The following VPS26C variants were observed in gnomAD, a reference collection of about 807,000 sequenced individuals.
The protein encoded by VPS26C is vacuolar protein sorting-associated protein 26C.
VPS26C carries 19 observed loss-of-function variants against 30.6 expected under a neutral mutation model. The ratio of observed to expected loss-of-function variants is 0.62; its 90% CI spans 0.43 to 0.91. VPS26C has a LOEUF of 0.91. VPS26C is among the 40% of genes least tolerant of loss of function. VPS26C has a pLI of 0.00. For synonymous variants in VPS26C, 132 were observed against 151.5 expected (o/e 0.87, Z 0.95); for missense variants, 318 against 385.1 (o/e 0.83, Z 1.46).
chr21:37,264,477 T>C (rs1234245998), intron 1 of VPS26C, among the ~76,000 whole-genome samples: 2 of 152,236 alleles, frequency 1.3e-5, no homozygotes, highest in Non-Finnish European at 2.9e-5. Context: ...TTTCATTACT[T>C]GTATCATATT....
In VPS26C at chr21:37,225,541, G is replaced by C; in HGVS notation, c.*3C>G. The C allele has an allele frequency of 6.2e-7, 1 of 1,613,596 alleles. No individual in the cohort carries two copies. The highest frequency in any genetic ancestry group is 8.5e-7 in the Non-Finnish European group (1 of 1,179,564). ...CCCGTTCTCTATGCTTCCCTCCTCC[G>C]GGCTATATCCTGCAGAGCTTCAGCG... On this transcript the variant is annotated 3_prime_UTR_variant, in exon 8 of 8. Coordinates refer to ENST00000309117, the MANE Select transcript of VPS26C (RefSeq NM_006052.2).
intron 1 of VPS26C, among the ~76,000 whole-genome samples, chr21:37,264,567 T>C (rs1048723544): frequency 1.3e-5 from 2 of 152,204 alleles, no homozygotes; most frequent in African/African-American, 4.8e-5. Flanking sequence ...AATGAAATAA[T>C]GAATACTAAA....
At chr21:37,242,533 C>T (rs552693603) in intron 1 of VPS26C, among the ~76,000 whole-genome samples, 1 of 152,144 alleles carries the variant, frequency 6.6e-6, no homozygotes, top group African/African-American at 2.4e-5. Context: ...CTACAGTGAG[C>T]CATGAATGAG....
At chr21:37,239,668 A>G (rs2086064844) in intron 2 of VPS26C, among the ~76,000 whole-genome samples, 1 of 149,082 alleles carries the variant, frequency 6.7e-6, no homozygotes, top group Admixed American at 6.8e-5. Flanking sequence ...CAATGGCGCC[A>G]TCTCAGCTCA....
intron 3 of VPS26C, among the ~76,000 whole-genome samples, chr21:37,234,599 AAGTT>A (rs1404817378): frequency 6.6e-6 from 1 of 152,196 alleles, no homozygotes; most frequent in Non-Finnish European, 1.5e-5. Context: ...ACGTTTAATA[AAGTT>A]AGTTGTTGTT....
intron 1 of VPS26C, among the ~76,000 whole-genome samples, chr21:37,252,878 G>A (rs1443543545): frequency 1.3e-5 from 2 of 152,140 alleles, no homozygotes; most frequent in African/African-American, 4.8e-5. Context: ...TCTGGAAAAA[G>A]CAAACTATAG....
At chr21:37,248,557 G>A (rs942594908) in intron 1 of VPS26C, among the ~76,000 whole-genome samples, 1 of 151,964 alleles carries the variant, frequency 6.6e-6, no homozygotes, top group Non-Finnish European at 1.5e-5. Flanking sequence ...ATCACTCCAA[G>A]GGAGACATGA....
rs113482388 is a variant in VPS26C at position 37,233,131 on chromosome 21, G to A, written c.432+231C>T. 5.3e-5 allele frequency among the ~76,000 whole-genome samples: 8 copies of A among 152,260 alleles called. No individual in the cohort carries two copies. The highest frequency in any genetic ancestry group is 1.4e-4 in the African/African-American group (6 of 41,552). ...GAGGAAAGGTCCTGCCTGATGTGCC[G>A]ACGTGGAGTCCCTCTGGCCCGCGGC... On this transcript the variant is annotated intron_variant, in intron 4 of 7. Coordinates refer to ENST00000309117, the MANE Select transcript of VPS26C (RefSeq NM_006052.2). The surrounding 1 kb of genome is among the most constrained non-coding windows in gnomAD (Gnocchi z 5.2).
chr21:37,240,813 CA>C (rs2086079418), intron 1 of VPS26C, among the ~76,000 whole-genome samples, 174 bp from the exon 2 acceptor site: 1 of 152,192 alleles, frequency 6.6e-6, no homozygotes, highest in Non-Finnish European at 1.5e-5. Context: ...GACAGATGCC[CA>C]CTGATAATGA....
chr21:37,263,284 G>A (rs1378994949), intron 1 of VPS26C, among the ~76,000 whole-genome samples: 1 of 152,224 alleles, frequency 6.6e-6, no homozygotes, highest in East Asian at 1.9e-4. Context: ...ATTCAAAGTA[G>A]AAGTCATATC....
intron 1 of VPS26C, among the ~76,000 whole-genome samples, chr21:37,245,139 C>T (rs1476640987): frequency 6.6e-6 from 1 of 152,154 alleles, no homozygotes; most frequent in African/African-American, 2.4e-5. Context: ...GAGCACATGA[C>T]ATCTAATGGA....
At chr21:37,227,870 C>G in intron 6 of VPS26C, 64 bp from the exon 7 acceptor site, 2 of 1,588,992 alleles carry the variant, frequency 1.3e-6, no homozygotes, top group Non-Finnish European at 1.7e-6. Flanking sequence ...CACATCCGCA[C>G]CGGCACCACC....
At chr21:37,256,506 T>C (rs1602285139) in intron 1 of VPS26C, among the ~76,000 whole-genome samples, 1 of 152,376 alleles carries the variant, frequency 6.6e-6, no homozygotes, top group East Asian at 1.9e-4. Flanking sequence ...AAAATCTTTA[T>C]GCTAAACGAT....
chr21:37,228,617 G>C, intron 5 of VPS26C: 2 of 422,904 alleles, frequency 4.7e-6, no homozygotes, highest in Admixed American at 3.9e-5. Context: ...ATGCCTCAGA[G>C]AACCATCCTA....
In VPS26C at chr21:37,244,657, G is replaced by A. The variant is rs764239480; in HGVS notation, c.58-4018C>T. 4.6e-5 allele frequency among the ~76,000 whole-genome samples: 7 copies of A among 152,284 alleles called. No homozygotes were observed. In the South Asian group the frequency reaches 1.0e-3, roughly 23 times the overall value. ...ATTTGAAAATAGTGGCATCAAGTCC[G>A]CGACCCCTCTTGGCTTCCTGGAAAT... On this transcript the variant is annotated intron_variant, in intron 1 of 7. Transcript: ENST00000309117.
rs564066462 is a variant in VPS26C at position 37,232,672 on chromosome 21, A to C, written c.433-221T>G. On this transcript the variant is annotated intron_variant, in intron 4 of 7. Transcript: ENST00000309117. ...TGTAAAATGAGGGGAGAGATGTCTT[A>C]ATCTCCAACGTGCCTTTCAGATTCA... The C allele has an allele frequency of 1.1e-4, 68 of 595,602 alleles. No homozygotes were observed. In the Middle Eastern group the frequency reaches 1.3e-3, roughly 11 times the overall value. The allele number at this position is 595,602 out of a possible 1,614,324, so 36.9% of individuals were successfully genotyped here. A position where few individuals can be genotyped will look rare whatever the true frequency, so the allele number is the denominator to read the frequency against.
At chr21:37,244,723 G>A (rs2086119763) in intron 1 of VPS26C, among the ~76,000 whole-genome samples, 1 of 152,146 alleles carries the variant, frequency 6.6e-6, no homozygotes. Flanking sequence ...CTGCATTTTC[G>A]GCGAGGCAAG....
chr21:37,234,135 C>A (rs551123325), intron 3 of VPS26C, among the ~76,000 whole-genome samples: 2 of 152,352 alleles, frequency 1.3e-5, no homozygotes, highest in East Asian at 3.9e-4. Flanking sequence ...CAGGGAACTT[C>A]TAGTTTACTG....
At chr21:37,255,907 C>T (rs1216168709) in intron 1 of VPS26C, among the ~76,000 whole-genome samples, 1 of 132,392 alleles carries the variant, frequency 7.6e-6, no homozygotes, top group African/African-American at 3.0e-5. Context: ...GCAATCTCAG[C>T]TCACTATAAC....
Sources: gnomAD v4.1 joint callset for allele counts (sites outside exome capture counted in the v4.1 genomes callset) on GRCh38, gnomAD v4.1.1 for gene constraint, Gnocchi (gnomAD v3.1) non-coding constraint, MANE v1.5 for transcripts, NCBI Gene and HGNC (gene_info 2026-07-23, HGNC 2026-07-21) for gene names.